RBFOX1: variants seen among roughly 807,000 people sequenced by gnomAD.
The protein encoded by RBFOX1 is RNA binding protein fox-1 homolog 1.
In RBFOX1, 8 loss-of-function variants were observed where a neutral mutation model predicts 57.7. The ratio of observed to expected loss-of-function variants is 0.14; its 90% CI spans 0.08 to 0.25. The LOEUF (loss-of-function observed/expected upper bound fraction) is 0.25. Ranked by LOEUF, RBFOX1 falls within the 10% of genes least tolerant of loss-of-function variation. The pLI is 1.00. For missense variants in RBFOX1, 611 were observed against 548.5 expected, an observed-to-expected ratio of 1.11 and a Z score of -1.14; for synonymous variants, 326 against 222.4, an observed-to-expected ratio of 1.47 and a Z score of -4.15.
At chr16:6,852,288 G>C (rs972132275) in intron 3 of RBFOX1, among the ~76,000 whole-genome samples, 2 of 152,114 alleles carry the variant, frequency 1.3e-5, no homozygotes, top group South Asian at 2.1e-4. Context: ...CGTTCTGTGT[G>C]TGCCTCTGCG....
chr16:7,498,343 C>T (rs900379352), intron 4 of RBFOX1, among the ~76,000 whole-genome samples: 1 of 152,088 alleles, frequency 6.6e-6, no homozygotes, highest in African/African-American at 2.4e-5. Context: ...TAATGGTGTA[C>T]ATGGGTCTCA....
At chr16:6,887,131 A>G (rs540099036) in intron 3 of RBFOX1, among the ~76,000 whole-genome samples, 53 of 152,066 alleles carry the variant, frequency 3.5e-4, no homozygotes, top group Non-Finnish European at 4.4e-4. Flanking sequence ...GTTCCTTTAC[A>G]TTGTTATTGT....
At chr16:5,538,393 A>G (rs1198797537) in intron 2 of RBFOX1, among the ~76,000 whole-genome samples, 1 of 150,346 alleles carries the variant, frequency 6.7e-6, no homozygotes, top group Non-Finnish European at 1.5e-5. Context: ...CCATGGGACT[A>G]TGCATGCCAT....
At chr16:7,643,772 G>A (rs1188398694) in intron 11 of RBFOX1, among the ~76,000 whole-genome samples, 1 of 152,138 alleles carries the variant, frequency 6.6e-6, no homozygotes, top group East Asian at 1.9e-4. Flanking sequence ...TGATCCCTAT[G>A]GCCGGCATCC....
intron 1 of RBFOX1, among the ~76,000 whole-genome samples, chr16:5,362,477 C>A (rs2151342306): frequency 6.6e-6 from 1 of 152,298 alleles, no homozygotes; most frequent in South Asian, 2.1e-4. Flanking sequence ...ATTCTCCTGC[C>A]TCAGTCTCCC....
At chr16:6,960,409 C>T (rs111843059) in intron 3 of RBFOX1, among the ~76,000 whole-genome samples, 1 of 152,050 alleles carries the variant, frequency 6.6e-6, no homozygotes, top group African/African-American at 2.4e-5. Context: ...GTGATATTTC[C>T]CAGGCCTTCT....
chr16:6,063,466 C>CACACACAT (rs2095714876), intron 1 of RBFOX1, among the ~76,000 whole-genome samples: 1 of 35,822 alleles, frequency 2.8e-5, no homozygotes, highest in African/African-American at 7.2e-5. Context: ...CTTTCTCCGA[C>CACACACAT]ACACACACAC....
intron 1 of RBFOX1, among the ~76,000 whole-genome samples, chr16:5,439,403 A>G (rs959124315): frequency 1.3e-5 from 2 of 152,202 alleles, no homozygotes; most frequent in African/African-American, 4.8e-5. Flanking sequence ...GTACCTGGGT[A>G]GAAAACGCAT....
rs537943681 is a variant in RBFOX1 at position 5,305,212 on chromosome 16, C to T, written c.219+65107C>T. The stretch of plus-strand genomic sequence containing the variant: ...ACATGTTTCAGAATCAGTGAGGGAC[C>T]GGTTTCACCTGCTACACTTCATTAC... On this transcript the variant is annotated intron_variant, in intron 1 of 2. Coordinates refer to the RBFOX1 transcript ENST00000585867. Among the ~76,000 whole-genome samples, 10 of 152,242 alleles carry T rather than the reference C, an allele frequency of 6.6e-5. No individual in the cohort carries two copies. The South Asian group carries it at 1.0e-3, about 16-fold the overall frequency.
chr16:7,634,483 T>C (rs955303914), intron 11 of RBFOX1, among the ~76,000 whole-genome samples: 2 of 152,138 alleles, frequency 1.3e-5, no homozygotes, highest in African/African-American at 4.8e-5. Context: ...GAGATGGTTT[T>C]TAAAGGAACC....
chr16:7,289,069 A>T (rs2095707781), intron 4 of RBFOX1, among the ~76,000 whole-genome samples: 1 of 152,190 alleles, frequency 6.6e-6, no homozygotes, highest in Non-Finnish European at 1.5e-5. Flanking sequence ...AACATCCAAC[A>T]GAGTTACCCA....
At chr16:7,514,710 G>A (rs1318960075) in intron 4 of RBFOX1, among the ~76,000 whole-genome samples, 1 of 152,176 alleles carries the variant, frequency 6.6e-6, no homozygotes, top group East Asian at 1.9e-4. Context: ...ACTTGATGGG[G>A]TTGAGAGGAT....
At chr16:6,150,173 C>A (rs559811473) in intron 1 of RBFOX1, among the ~76,000 whole-genome samples, 4 of 152,128 alleles carry the variant, frequency 2.6e-5, no homozygotes, top group Non-Finnish European at 5.9e-5. Context: ...GGAGGTAATG[C>A]TGAGAGGAAG....
chr16:7,031,639 C>T (rs530679138), intron 3 of RBFOX1, among the ~76,000 whole-genome samples: 82 of 151,986 alleles, frequency 5.4e-4, no homozygotes, highest in African/African-American at 9.9e-4. Context: ...GCAATGTCAA[C>T]GACATCGGGC....
At chr16:5,444,341 G>T (rs2068176646) in intron 1 of RBFOX1, among the ~76,000 whole-genome samples, 1 of 152,150 alleles carries the variant, frequency 6.6e-6, no homozygotes, top group Non-Finnish European at 1.5e-5. Context: ...TTGTCAGTGG[G>T]TCATAAATTT....
chr16:5,389,497 C>T (rs1040373259), intron 1 of RBFOX1, among the ~76,000 whole-genome samples: 34 of 152,042 alleles, frequency 2.2e-4, no homozygotes, highest in African/African-American at 8.2e-4. Flanking sequence ...GCCAAATGTC[C>T]TCTGGGAGGC....
chr16:6,539,949 A>C (rs761650492), intron 2 of RBFOX1, among the ~76,000 whole-genome samples: 1 of 152,166 alleles, frequency 6.6e-6, no homozygotes, highest in Non-Finnish European at 1.5e-5. Flanking sequence ...CCCCACAGAT[A>C]GCCAGCCAAT....
intron 2 of RBFOX1, among the ~76,000 whole-genome samples, chr16:6,640,397 C>A (rs1293240842): frequency 6.6e-6 from 1 of 151,958 alleles, no homozygotes; most frequent in East Asian, 1.9e-4. Context: ...TCACTGGAGG[C>A]CAGGAGTGTG....
intron 2 of RBFOX1, among the ~76,000 whole-genome samples, chr16:6,344,371 A>G (rs577161264): frequency 3.9e-4 from 56 of 143,594 alleles, no homozygotes; most frequent in African/African-American, 1.3e-3. Context: ...CAATTACACA[A>G]TCTTTCCTTC....
Sources: gnomAD v4.1 joint callset for allele counts (sites outside exome capture counted in the v4.1 genomes callset) on GRCh38, gnomAD v4.1.1 for gene constraint, MANE v1.5 for transcripts, NCBI Gene and HGNC (gene_info 2026-07-23, HGNC 2026-07-21) for gene names.